The following KITLG variants were observed in gnomAD, a reference collection of about 807,000 sequenced individuals.
KITLG encodes the protein c-Kit ligand.
KITLG carries 13 observed loss-of-function variants against 34.1 expected under a neutral mutation model. That is an observed-to-expected ratio of 0.38 (90% confidence interval 0.25 to 0.61). The LOEUF is 0.61. Ranked by LOEUF, KITLG falls within the 20% of genes least tolerant of loss-of-function variation. The pLI, the probability that KITLG is intolerant of heterozygous loss-of-function variation, is 0.60. For synonymous variants in KITLG, 110 were observed against 104.0 expected (o/e 1.06, Z -0.35); for missense variants, 292 against 318.9 (o/e 0.92, Z 0.64).
intron 2 of KITLG, among the ~76,000 whole-genome samples, chr12:88,536,053 G>T (rs1384196282): frequency 6.6e-6 from 1 of 152,096 alleles, no homozygotes; most frequent in Non-Finnish European, 1.5e-5. Flanking sequence ...TGACAATTGG[G>T]AGCTAATTAA....
At chr12:88,572,900 A>T (rs1287405996) in intron 1 of KITLG, among the ~76,000 whole-genome samples, 2 of 152,168 alleles carry the variant, frequency 1.3e-5, no homozygotes, top group African/African-American at 4.8e-5. Context: ...CCTCTGACTA[A>T]CAGAGCACAT....
intron 1 of KITLG, among the ~76,000 whole-genome samples, chr12:88,549,228 T>C (rs1477319786): frequency 6.6e-6 from 1 of 152,154 alleles, no homozygotes; most frequent in East Asian, 1.9e-4. Flanking sequence ...TGCCCAGACA[T>C]TGACTCTTAC....
intron 1 of KITLG, among the ~76,000 whole-genome samples, chr12:88,573,931 C>A (rs7972397): frequency 0.021 from 3,139 of 152,266 alleles, 101 homozygotes; most frequent in African/African-American, 0.071. Flanking sequence ...GAAAAGGCTA[C>A]CTTATTGCCC....
intron 2 of KITLG, among the ~76,000 whole-genome samples, chr12:88,542,754 C>G (rs1166361815): frequency 2.0e-5 from 3 of 152,056 alleles, no homozygotes; most frequent in Admixed American, 6.6e-5. Context: ...TCTCACACCC[C>G]ATCTCCACAA....
intron 9 of KITLG, among the ~76,000 whole-genome samples, chr12:88,504,854 G>A (rs1216928927): frequency 6.6e-6 from 1 of 151,744 alleles, no homozygotes; most frequent in Admixed American, 6.6e-5. Flanking sequence ...ATCATTCTGA[G>A]CAAACTATCG....
rs141820113 is a variant in KITLG at position 88,506,260 on chromosome 12, G to A, written c.782+51C>T. 6.4e-6 allele frequency: 8 copies of A among 1,251,270 alleles called. No individual in the cohort carries two copies. The East Asian group carries it at 1.9e-4, about 29-fold the overall frequency. 77.5% of individuals were successfully genotyped at this position (1,251,270 alleles called of 1,614,324 possible). On this transcript the variant is annotated intron_variant, in intron 8 of 9. Coordinates refer to ENST00000644744, the MANE Select transcript of KITLG (RefSeq NM_000899.5). Reference sequence around the variant, plus strand: ...CATTATGGGCAGGTACACAGTGTGTGAAATGGCAATGTCATGCTTGATTGG... The same window carrying A: ...CATTATGGGCAGGTACACAGTGTGTAAAATGGCAATGTCATGCTTGATTGG...
Position 88,545,875 on chromosome 12 carries a change from A to G in KITLG, c.16-10T>C. The G allele has an allele frequency of 6.5e-7, 1 of 1,540,394 alleles. No individual in the cohort carries two copies. Among genetic ancestry groups the G allele is most frequent in the Non-Finnish European group, 9.0e-7 (1 of 1,113,332 alleles). ...AAGTGAGAATCCAAGTCTAAATGAA[A>G]ACAGAAAAATTGCTTGGTGATCATC... is the stretch of plus-strand genomic sequence containing the variant. On this transcript the variant is annotated splice_polypyrimidine_tract_variant and intron_variant, in intron 1 of 9. Transcript: ENST00000644744.
chr12:88,505,612 A>G (rs1405666064), intron 8 of KITLG, among the ~76,000 whole-genome samples: 1 of 152,208 alleles, frequency 6.6e-6, no homozygotes, highest in Non-Finnish European at 1.5e-5. Context: ...AAGGTGAAAG[A>G]ATGACAAGAG....
chr12:88,497,731 T>C (rs1868696979), intron 9 of KITLG, among the ~76,000 whole-genome samples: 1 of 152,130 alleles, frequency 6.6e-6, no homozygotes, highest in South Asian at 2.1e-4. Context: ...TGGAGTAGCA[T>C]GAAAGAGATC....
chr12:88,515,806 T>A (rs569581812), intron 5 of KITLG, among the ~76,000 whole-genome samples, 189 bp from the exon 6 acceptor site: 47 of 151,792 alleles, frequency 3.1e-4, no homozygotes, highest in Non-Finnish European at 6.0e-4. Flanking sequence ...ATTATCACCT[T>A]GTAGAACAAA....
intron 9 of KITLG, among the ~76,000 whole-genome samples, chr12:88,502,912 A>AG (rs1450267218): frequency 2.6e-5 from 4 of 151,788 alleles, no homozygotes; most frequent in Non-Finnish European, 5.9e-5. Flanking sequence ...GGAAGGAAAA[A>AG]AAAAAGAAAA....
intron 1 of KITLG, among the ~76,000 whole-genome samples, chr12:88,557,298 G>A (rs1871126304): frequency 6.6e-6 from 1 of 152,118 alleles, no homozygotes; most frequent in South Asian, 2.1e-4. Flanking sequence ...GGGCCTGAGT[G>A]TTCAGGTTTT....
At chr12:88,534,855 C>G (rs1054924531) in intron 2 of KITLG, 1 of 346,956 alleles carries the variant, frequency 2.9e-6, no homozygotes, top group South Asian at 2.3e-5. Context: ...AGCGTCTAGT[C>G]ATTTTATGTA....
chr12:88,533,311 T>C (rs1870173785), intron 2 of KITLG, among the ~76,000 whole-genome samples: 1 of 152,170 alleles, frequency 6.6e-6, no homozygotes, highest in Admixed American at 6.6e-5. Context: ...TGTATGTTGG[T>C]TCCTCTCATT....
intron 2 of KITLG, among the ~76,000 whole-genome samples, chr12:88,543,618 A>G (rs1870599703): frequency 6.6e-6 from 1 of 152,134 alleles, no homozygotes; most frequent in African/African-American, 2.4e-5. Flanking sequence ...AAAGTAAAGC[A>G]CATCATTTCC....
chr12:88,555,772 T>G (rs1205991802), intron 1 of KITLG, among the ~76,000 whole-genome samples: 3 of 152,170 alleles, frequency 2.0e-5, no homozygotes, highest in Non-Finnish European at 2.9e-5. Flanking sequence ...ATTGGGTGCT[T>G]TCAGACTTCT....
chr12:88,514,720 T>G (rs1869397592), intron 6 of KITLG, among the ~76,000 whole-genome samples: 1 of 151,722 alleles, frequency 6.6e-6, no homozygotes, highest in Non-Finnish European at 1.5e-5. Flanking sequence ...TTTTAAATGT[T>G]CTGCATTGTA....
At chr12:88,540,787 T>C (rs1017236157) in intron 2 of KITLG, among the ~76,000 whole-genome samples, 1 of 152,206 alleles carries the variant, frequency 6.6e-6, no homozygotes, top group Non-Finnish European at 1.5e-5. Flanking sequence ...TTATTTCTAA[T>C]AGTCCTTTTT....
intron 9 of KITLG, among the ~76,000 whole-genome samples, chr12:88,497,800 C>G (rs764828623): frequency 3.9e-5 from 6 of 152,158 alleles, no homozygotes; most frequent in Admixed American, 6.5e-5. Flanking sequence ...CTCACATGGC[C>G]ACTGAGCCGC....
Sources: gnomAD v4.1 joint callset for allele counts (sites outside exome capture counted in the v4.1 genomes callset) on GRCh38, gnomAD v4.1.1 for gene constraint, MANE v1.5 for transcripts, NCBI Gene and HGNC (gene_info 2026-07-23, HGNC 2026-07-21) for gene names.